The following GRIP2 variants were observed in gnomAD, a reference collection of about 807,000 sequenced individuals.
The protein encoded by GRIP2 is glutamate receptor-interacting protein 2.
In GRIP2, 58 loss-of-function variants were observed where a neutral mutation model predicts 108.3. That is an observed-to-expected ratio of 0.54 (90% confidence interval 0.43 to 0.67). The LOEUF (loss-of-function observed/expected upper bound fraction) is 0.67, where lower values mean the gene tolerates loss of function less well. GRIP2 is among the 30% of genes least tolerant of loss of function. The probability of loss-of-function intolerance (pLI) is 0.00; values close to 1 mark genes in which losing one functional copy is unlikely to be tolerated. For missense variants in GRIP2, 1,278 were observed against 1,430.6 expected (o/e 0.89, Z 1.72); for synonymous variants, 586 against 598.2 (o/e 0.98, Z 0.30).
chr3:14,573,415 G>A, the GRIP2 span: 11 of 1,351,326 alleles, frequency 8.1e-6, no homozygotes, highest in South Asian at 9.5e-5. Context: ...ACCAGGTAGT[G>A]CAGGATCCTG....
chr3:14,534,321 G>C (rs1694782164), intron 1 of GRIP2, among the ~76,000 whole-genome samples: 1 of 152,070 alleles, frequency 6.6e-6, no homozygotes, highest in South Asian at 2.1e-4. Flanking sequence ...AGAAGTTGAG[G>C]GGATTACTTT....
chr3:14,504,389 G>A (rs1693859803), intron 20 of GRIP2, among the ~76,000 whole-genome samples: 1 of 144,020 alleles, frequency 6.9e-6, no homozygotes, highest in Admixed American at 7.3e-5. Context: ...TCGACTCACT[G>A]CAAGCTCTGC....
the GRIP2 span, among the ~76,000 whole-genome samples, chr3:14,572,440 G>A: frequency 6.5e-3 from 985 of 150,676 alleles, 8 homozygotes; most frequent in African/African-American, 0.019. Context: ...GTGAAACCCC[G>A]TCTCTACTAA....
intron 1 of GRIP2, among the ~76,000 whole-genome samples, chr3:14,547,362 G>A (rs1375965894): frequency 3.3e-5 from 5 of 152,166 alleles, no homozygotes; most frequent in Non-Finnish European, 7.3e-5. Flanking sequence ...AAGTTTAGAG[G>A]GAAGGAATTT....
chr3:14,545,313 C>T (rs1695040766), upstream of GRIP2, among the ~76,000 whole-genome samples: 1 of 152,246 alleles, frequency 6.6e-6, no homozygotes, highest in Non-Finnish European at 1.5e-5. Context: ...GGCAGAATGT[C>T]AGGGGGAGCC....
intron 5 of GRIP2, chr3:14,523,310 G>A: frequency 1.7e-6 from 1 of 578,334 alleles, no homozygotes; most frequent in Non-Finnish European, 3.1e-6. Flanking sequence ...CCTCCCTTCT[G>A]TGACCTCACC....
upstream of GRIP2, among the ~76,000 whole-genome samples, chr3:14,542,367 C>T (rs888164038): frequency 4.6e-5 from 7 of 152,072 alleles, no homozygotes; most frequent in African/African-American, 1.7e-4. Flanking sequence ...GTTGCCCAGG[C>T]TGGTCTCAAA....
chr3:14,523,189 C>CATGGATAGCAAGGACAAGG, intron 5 of GRIP2, 114 bp from the exon 6 acceptor site: 1 of 775,714 alleles, frequency 1.3e-6, no homozygotes, highest in Non-Finnish European at 2.1e-6. Flanking sequence ...GGACCTTGTC[C>CATGGATAGCAAGGACAAGG]TTGCTATCCA....
chr3:14,520,576 C>T lies in GRIP2; in HGVS notation c.713-39G>A, dbSNP rs149570410. On this transcript the variant is annotated intron_variant, in intron 7 of 23. Transcript: ENST00000621039. ...GAAAAAAAGTTTGAAATGCAAATAC[C>T]GAGCACTTTCCTCCCCAGCCTCACC... 2.4e-5 allele frequency: 39 copies of T among 1,609,722 alleles called. 1 individual carries two copies. The highest frequency in any genetic ancestry group is 3.3e-4 in the Middle Eastern group (2 of 6,076).
At chr3:14,553,825 T>C (rs1206452485) in intron 1 of GRIP2, among the ~76,000 whole-genome samples, 2 of 152,196 alleles carry the variant, frequency 1.3e-5, no homozygotes, top group Non-Finnish European at 2.9e-5. Context: ...TTTTCGTGAA[T>C]GTGCAGGCTC....
chr3:14,505,664 C>T lies in GRIP2; in HGVS notation c.2524G>A (p.Glu842Lys), dbSNP rs200381587. The T allele has an allele frequency of 2.5e-4, 400 of 1,608,878 alleles. 1 individual carries two copies. In the Middle Eastern group the frequency reaches 8.4e-3, roughly 34 times the overall value. Residue 842 changes from glutamate to lysine, a missense_variant, in exon 20 of 24, where the codon GAG (glutamate) becomes AAG (lysine). By Grantham distance (56) the Glu-to-Lys change is moderately conservative. Transcript: ENST00000621039. The surrounding 1 kb of genome is among the most constrained non-coding windows in gnomAD (Gnocchi z 4.2). ...RTSYTPTPAD[E>K]SFPEEEEEDD... The stretch of plus-strand genomic sequence containing the variant: ...TCCTCCTCCTCCTCTGGAAAGCTCT[C>T]GTCAGCTGGGGTTGGGGTATAGCTC...
At position 14,513,709 on chromosome 3, in the gene GRIP2, G is replaced by T; in HGVS notation, c.1595C>A (p.Ala532Glu). ...CTCCAGCACGACCTTGTGGGCCAGT[G>T]CGGCGTCCCGCAGGAGCTGGTTGGC... ...EEANQLLRDA[A>E]LAHKVVLEVE... The change falls in exon 13 of 24, where the codon GCA becomes GAA. Residue 532 changes from alanine to glutamate, a missense_variant. Coordinates refer to ENST00000621039, the MANE Select transcript of GRIP2 (RefSeq NM_001080423.4). 1 of 1,610,316 alleles carries T rather than the reference G, an allele frequency of 6.2e-7. No homozygotes were observed. The highest frequency in any genetic ancestry group is 8.5e-7 in the Non-Finnish European group (1 of 1,178,540).
intron 1 of GRIP2, among the ~76,000 whole-genome samples, chr3:14,552,160 C>G (rs770459407): frequency 6.6e-6 from 1 of 152,156 alleles, no homozygotes; most frequent in African/African-American, 2.4e-5. Context: ...TCAGGAGTGG[C>G]GCACTGGAGA....
Position 14,507,206 on chromosome 3 carries a change from G to T in GRIP2, c.2219-226C>A, listed in dbSNP as rs1693955656. On this transcript the variant is annotated intron_variant, in intron 18 of 23. Transcript: ENST00000621039. The surrounding 1 kb of genome is among the most constrained non-coding windows in gnomAD (Gnocchi z 4.6). ...ACACAGTGAGCACCAGTGGAGCCAGGATTAGCTCAGGCCCCTTCCACTGCC... is the reference window on the plus strand; with the variant it reads ...ACACAGTGAGCACCAGTGGAGCCAGTATTAGCTCAGGCCCCTTCCACTGCC... Among the ~76,000 whole-genome samples, 4 of 152,336 alleles carry T rather than the reference G, an allele frequency of 2.6e-5. No individual in the cohort carries two copies. In the South Asian group the frequency reaches 8.3e-4, roughly 32 times the overall value.
intron 1 of GRIP2, among the ~76,000 whole-genome samples, chr3:14,552,841 C>T (rs979147705): frequency 1.3e-5 from 2 of 152,064 alleles, no homozygotes; most frequent in African/African-American, 4.8e-5. Context: ...GATCTGCCCA[C>T]CTCAGACTCC....
the GRIP2 span, among the ~76,000 whole-genome samples, chr3:14,577,430 C>T: frequency 6.6e-6 from 1 of 152,182 alleles, no homozygotes; most frequent in Non-Finnish European, 1.5e-5. Flanking sequence ...GAGACACATG[C>T]AGTGATGGTT....
intron 21 of GRIP2, among the ~76,000 whole-genome samples, chr3:14,499,101 T>C (rs1024980522): frequency 7.9e-5 from 12 of 152,124 alleles, no homozygotes; most frequent in African/African-American, 2.4e-4. Flanking sequence ...GGAGGATCAC[T>C]TGTGACAAAC....
chr3:14,554,175 A>G (rs1356761300), intron 1 of GRIP2, among the ~76,000 whole-genome samples: 2 of 152,156 alleles, frequency 1.3e-5, no homozygotes, highest in Admixed American at 6.5e-5. Flanking sequence ...TCACTTCAAC[A>G]GGGGAGGAAA....
chr3:14,557,521 G>A (rs1695257380), upstream of GRIP2, among the ~76,000 whole-genome samples: 1 of 152,244 alleles, frequency 6.6e-6, no homozygotes, highest in South Asian at 2.1e-4. Flanking sequence ...GAGGTTCTGG[G>A]CTCCTTTACA....
Sources: gnomAD v4.1 joint callset for allele counts (sites outside exome capture counted in the v4.1 genomes callset) on GRCh38, gnomAD v4.1.1 for gene constraint, Gnocchi (gnomAD v3.1) non-coding constraint, MANE v1.5 for transcripts, NCBI Gene and HGNC (gene_info 2026-07-23, HGNC 2026-07-21) for gene names.